RPS6KC1: variants seen among roughly 807,000 people sequenced by gnomAD.
RPS6KC1 encodes ribosomal protein S6 kinase C1.
In RPS6KC1, 54 loss-of-function variants were observed where a neutral mutation model predicts 103.8. That is an observed-to-expected ratio of 0.52 (90% confidence interval 0.42 to 0.65). The LOEUF (loss-of-function observed/expected upper bound fraction) is 0.65. Ranked by LOEUF, RPS6KC1 falls within the 30% of genes least tolerant of loss-of-function variation. The pLI is 0.00. For synonymous variants in RPS6KC1, 439 were observed against 438.7 expected (o/e 1.00, Z -0.01); for missense variants, 1,151 against 1,253.8 (o/e 0.92, Z 1.24).
At chr1:213,786,264 C>G in the RPS6KC1 span, among the ~76,000 whole-genome samples, 1 of 152,102 alleles carries the variant, frequency 6.6e-6, no homozygotes, top group African/African-American at 2.4e-5. Context: ...TTTTGAAAAG[C>G]CTTAGCCCCA....
At chr1:213,297,211 A>G in the RPS6KC1 span, among the ~76,000 whole-genome samples, 2 of 152,266 alleles carry the variant, frequency 1.3e-5, no homozygotes, top group African/African-American at 4.8e-5. Flanking sequence ...CCTTGCAGAC[A>G]GAGGACTGAG....
At chr1:213,496,886 C>T in the RPS6KC1 span, among the ~76,000 whole-genome samples, 1 of 152,160 alleles carries the variant, frequency 6.6e-6, no homozygotes, top group African/African-American at 2.4e-5. Context: ...TGGAAATTTG[C>T]CACAGTGGAA....
At chr1:213,146,031 C>A (rs1370084829) in intron 6 of RPS6KC1, among the ~76,000 whole-genome samples, 1 of 145,466 alleles carries the variant, frequency 6.9e-6, no homozygotes, top group Middle Eastern at 3.6e-3. Context: ...TGTAACCCCC[C>A]CACTACCCTT....
At chr1:213,783,627 T>C in the RPS6KC1 span, among the ~76,000 whole-genome samples, 15 of 151,316 alleles carry the variant, frequency 9.9e-5, no homozygotes, top group Admixed American at 9.9e-4. Context: ...TAGTTTGATT[T>C]ACTGTTGTCG....
the RPS6KC1 span, among the ~76,000 whole-genome samples, chr1:213,701,481 TAA>T: frequency 6.6e-6 from 1 of 151,744 alleles, no homozygotes; most frequent in African/African-American, 2.4e-5. Flanking sequence ...ATTTTTGTAT[TAA>T]TATTCAAGTA....
chr1:213,438,265 T>G, the RPS6KC1 span, among the ~76,000 whole-genome samples: 1 of 152,258 alleles, frequency 6.6e-6, no homozygotes, highest in Non-Finnish European at 1.5e-5. Context: ...CATTTTTGAG[T>G]CTGTTTCTAT....
At chr1:213,816,029 G>T in the RPS6KC1 span, among the ~76,000 whole-genome samples, 2,914 of 152,298 alleles carry the variant, frequency 0.019, 88 homozygotes, top group African/African-American at 0.063. Flanking sequence ...GAGAGAAAGA[G>T]ACAGGGAAAC....
chr1:213,435,722 C>T, the RPS6KC1 span, among the ~76,000 whole-genome samples: 1 of 152,166 alleles, frequency 6.6e-6, no homozygotes, highest in African/African-American at 2.4e-5. Flanking sequence ...CTAATCCTTT[C>T]TTGTTGTTCT....
At chr1:213,099,612 T>C (rs75283125) in intron 3 of RPS6KC1, among the ~76,000 whole-genome samples, 4,316 of 152,308 alleles carry the variant, frequency 0.028, 91 homozygotes, top group Middle Eastern at 0.088. Flanking sequence ...TATCAAGATA[T>C]AGGGCATTAC....
chr1:213,499,794 T>C, the RPS6KC1 span, among the ~76,000 whole-genome samples: 3 of 152,256 alleles, frequency 2.0e-5, no homozygotes, highest in African/African-American at 7.2e-5. Flanking sequence ...TACGGCATGT[T>C]ACTGTATTGA....
At chr1:213,856,305 G>T in the RPS6KC1 span, among the ~76,000 whole-genome samples, 2 of 152,132 alleles carry the variant, frequency 1.3e-5, no homozygotes, top group African/African-American at 4.8e-5. Context: ...TAATGAAGAG[G>T]TGCTTTAATT....
At chr1:213,832,104 A>C in the RPS6KC1 span, among the ~76,000 whole-genome samples, 2 of 152,210 alleles carry the variant, frequency 1.3e-5, no homozygotes, top group Admixed American at 6.5e-5. Flanking sequence ...ATAGTCAAAA[A>C]TTATCTGGGT....
chr1:213,763,928 C>G, the RPS6KC1 span, among the ~76,000 whole-genome samples: 1 of 152,194 alleles, frequency 6.6e-6, no homozygotes, highest in African/African-American at 2.4e-5. Context: ...GCTCTCCTTG[C>G]TGGAGAAGGT....
At chr1:213,156,766 G>A (rs1435863554) in intron 6 of RPS6KC1, among the ~76,000 whole-genome samples, 1 of 152,066 alleles carries the variant, frequency 6.6e-6, no homozygotes, top group Non-Finnish European at 1.5e-5. Flanking sequence ...AAAAATATAG[G>A]CAAAATAAGG....
the RPS6KC1 span, among the ~76,000 whole-genome samples, chr1:213,780,619 C>A: frequency 6.6e-6 from 1 of 152,194 alleles, no homozygotes; most frequent in Non-Finnish European, 1.5e-5. Context: ...TTTATTCCAA[C>A]CAGCACCATG....
At chr1:213,397,516 A>T in the RPS6KC1 span, among the ~76,000 whole-genome samples, 2 of 151,448 alleles carry the variant, frequency 1.3e-5, no homozygotes, top group Admixed American at 1.3e-4. Context: ...GTCAGCACCA[A>T]GGGTGGTCCT....
chr1:213,481,448 A>G, the RPS6KC1 span, among the ~76,000 whole-genome samples: 2 of 152,206 alleles, frequency 1.3e-5, no homozygotes, highest in Non-Finnish European at 2.9e-5. Context: ...GACTCGTTTC[A>G]TGAGTCTTAG....
chr1:213,301,668 C>G, the RPS6KC1 span, among the ~76,000 whole-genome samples: 2 of 152,014 alleles, frequency 1.3e-5, no homozygotes, highest in African/African-American at 4.8e-5. Context: ...CACTGCACTC[C>G]AGCCTAGGTG....
intron 3 of RPS6KC1, among the ~76,000 whole-genome samples, chr1:213,102,786 G>A (rs1207328749): frequency 6.6e-6 from 1 of 152,106 alleles, no homozygotes; most frequent in Non-Finnish European, 1.5e-5. Flanking sequence ...AAAAGTTATA[G>A]ACCCTATCCT....
Sources: gnomAD v4.1 joint callset for allele counts (sites outside exome capture counted in the v4.1 genomes callset) on GRCh38, gnomAD v4.1.1 for gene constraint, MANE v1.5 for transcripts, NCBI Gene and HGNC (gene_info 2026-07-23, HGNC 2026-07-21) for gene names.